The following PXDNL variants were observed in gnomAD, a reference collection of about 807,000 sequenced individuals.
PXDNL encodes peroxidasin like.
PXDNL carries 145 observed loss-of-function variants against 150.8 expected under a neutral mutation model. That is an observed-to-expected ratio of 0.96 (90% CI 0.84 to 1.10). The LOEUF (loss-of-function observed/expected upper bound fraction) is 1.10. Among genes scored for constraint, PXDNL ranks in the 50% least tolerant of loss-of-function variants. The probability of loss-of-function intolerance (pLI) is 0.00; values close to 1 mark genes in which losing one functional copy is unlikely to be tolerated. For missense variants in PXDNL, 2,087 were observed against 1,873.9 expected (o/e 1.11, Z -2.10); for synonymous variants, 757 against 725.7 (o/e 1.04, Z -0.69).
intron 21 of PXDNL, among the ~76,000 whole-genome samples, chr8:51,333,886 C>G (rs1805765162): frequency 6.6e-6 from 1 of 152,166 alleles, no homozygotes; most frequent in African/African-American, 2.4e-5. Context: ...CTTCAATACT[C>G]TACTGACAGC....
intron 4 of PXDNL, among the ~76,000 whole-genome samples, chr8:51,521,081 A>G: frequency 6.6e-6 from 1 of 152,096 alleles, no homozygotes; most frequent in African/African-American, 2.4e-5. Flanking sequence ...TTCTGCAAAA[A>G]AAAATTAAAA....
At chr8:51,538,708 A>G (rs376583877) in intron 4 of PXDNL, among the ~76,000 whole-genome samples, 1 of 152,246 alleles carries the variant, frequency 6.6e-6, no homozygotes, top group East Asian at 1.9e-4. Context: ...CGGAGGTTGC[A>G]TGAGCCGAGA....
chr8:51,740,225 G>A (rs143902272), intron 1 of PXDNL, among the ~76,000 whole-genome samples: 1 of 152,278 alleles, frequency 6.6e-6, no homozygotes, highest in Non-Finnish European at 1.5e-5. Flanking sequence ...CTGTGTTAAT[G>A]TGATTGGTTA....
intron 14 of PXDNL, among the ~76,000 whole-genome samples, chr8:51,421,994 T>C (rs1292218059): frequency 1.3e-5 from 2 of 152,080 alleles, no homozygotes; most frequent in African/African-American, 4.8e-5. Context: ...CAAGCGAGCA[T>C]TACTGCCTGA....
chr8:51,720,843 T>A (rs1352371770), intron 1 of PXDNL, among the ~76,000 whole-genome samples: 6 of 152,250 alleles, frequency 3.9e-5, no homozygotes, highest in Admixed American at 2.6e-4. Context: ...TGCAGGCTCC[T>A]GCCTAGGCCG....
chr8:51,587,333 A>G (rs1229838877), intron 3 of PXDNL, among the ~76,000 whole-genome samples: 5 of 152,326 alleles, frequency 3.3e-5, no homozygotes, highest in African/African-American at 1.2e-4. Flanking sequence ...TTAGCTCTAA[A>G]ATTCAGCTAA....
chr8:51,601,314 T>C (rs79297510), intron 2 of PXDNL, among the ~76,000 whole-genome samples: 6,874 of 151,988 alleles, frequency 0.045, 213 homozygotes, highest in East Asian at 0.18. Context: ...AATGTTGTCG[T>C]TGGGGTGTTG....
intron 5 of PXDNL, among the ~76,000 whole-genome samples, chr8:51,497,505 G>A (rs1232500702): frequency 1.3e-5 from 2 of 152,158 alleles, no homozygotes; most frequent in African/African-American, 4.8e-5. Flanking sequence ...GCAACCTACA[G>A]ACTAGGAGAA....
In PXDNL at chr8:51,618,579, C is replaced by T. The variant is rs549333176; in HGVS notation, c.237-25881G>A. 5.3e-5 allele frequency among the ~76,000 whole-genome samples: 8 copies of T among 152,266 alleles called. No individual in the cohort carries two copies. In the East Asian group the frequency reaches 7.8e-4, roughly 15 times the overall value. On this transcript the variant is annotated intron_variant, in intron 2 of 22. Coordinates refer to ENST00000356297, the MANE Select transcript of PXDNL (RefSeq NM_144651.5). ...GAGTGTGGAACCTGATAGGAGGCCT[C>T]GCAATAAAAGTCAGTGCCTGGGGCC...
chr8:51,584,610 A>G (rs1448283515), intron 3 of PXDNL, among the ~76,000 whole-genome samples: 2 of 152,184 alleles, frequency 1.3e-5, no homozygotes, highest in African/African-American at 4.8e-5. Flanking sequence ...GGAAGACACA[A>G]TATCCCAACA....
intron 6 of PXDNL, among the ~76,000 whole-genome samples, chr8:51,478,882 TG>T (rs1445699492): frequency 6.6e-6 from 1 of 152,236 alleles, no homozygotes; most frequent in Non-Finnish European, 1.5e-5. Flanking sequence ...CGGGACTTCA[TG>T]GACCCTGAGC....
intron 1 of PXDNL, among the ~76,000 whole-genome samples, chr8:51,793,887 TCAACAACAA>T (rs555226011): frequency 6.6e-6 from 1 of 151,128 alleles, no homozygotes; most frequent in African/African-American, 2.4e-5. Flanking sequence ...CAAGACTCTG[TCAACAACAA>T]CAACAACAAC....
intron 1 of PXDNL, among the ~76,000 whole-genome samples, chr8:51,788,870 C>A (rs867834368): frequency 6.6e-6 from 1 of 152,224 alleles, no homozygotes; most frequent in Non-Finnish European, 1.5e-5. Context: ...GTGCCCTATG[C>A]TTCAGTTCCG....
chr8:51,321,051 C>G, intron 21 of PXDNL, 154 bp from the exon 22 acceptor site: 1 of 612,148 alleles, frequency 1.6e-6, no homozygotes, highest in East Asian at 2.8e-5. Flanking sequence ...CATTTTCCCC[C>G]AGGACTTAAT....
At chr8:51,398,999 T>C (rs114398105) in intron 17 of PXDNL, among the ~76,000 whole-genome samples, 4,065 of 152,262 alleles carry the variant, frequency 0.027, 218 homozygotes, top group African/African-American at 0.091. Context: ...TCACTTGATA[T>C]ATATAAGAGG....
intron 1 of PXDNL, among the ~76,000 whole-genome samples, chr8:51,707,343 T>C (rs967296096): frequency 6.6e-6 from 1 of 152,166 alleles, no homozygotes; most frequent in African/African-American, 2.4e-5. Flanking sequence ...TATTGAGACA[T>C]AGTTGATATT....
chr8:51,576,249 T>C (rs1021035778), intron 3 of PXDNL, among the ~76,000 whole-genome samples: 10 of 148,548 alleles, frequency 6.7e-5, no homozygotes, highest in African/African-American at 2.5e-4. Context: ...CCTTTTTGAG[T>C]TCCCTGAGAA....
intron 5 of PXDNL, among the ~76,000 whole-genome samples, chr8:51,489,439 C>G (rs932972615): frequency 3.3e-5 from 5 of 152,148 alleles, no homozygotes; most frequent in Non-Finnish European, 5.9e-5. Context: ...CCTCACCCTC[C>G]CAAGTAGCTG....
At chr8:51,481,977 A>T (rs1810615202) in intron 6 of PXDNL, among the ~76,000 whole-genome samples, 1 of 152,216 alleles carries the variant, frequency 6.6e-6, no homozygotes, top group Non-Finnish European at 1.5e-5. Context: ...CAGAGTCCCT[A>T]CTGGGGTACT....
Sources: allele counts gnomAD v4.1 joint callset (sites outside exome capture counted in the v4.1 genomes callset), GRCh38; gene constraint gnomAD v4.1.1; transcripts MANE v1.5; gene names NCBI Gene and HGNC (gene_info 2026-07-23, HGNC 2026-07-21).